The following COX7B2 variants were observed in gnomAD, a reference collection of about 807,000 sequenced individuals.
COX7B2 encodes the protein cytochrome c oxidase subunit 7B2, mitochondrial.
For synonymous variants in COX7B2, 37 were observed against 32.1 expected, an observed-to-expected ratio of 1.15 and a Z score of -0.51; for missense variants, 109 against 95.9, an observed-to-expected ratio of 1.14 and a Z score of -0.57.
intron 2 of COX7B2, among the ~76,000 whole-genome samples, chr4:46,785,902 A>G (rs1417422894): frequency 6.6e-6 from 1 of 152,198 alleles, no homozygotes; most frequent in Non-Finnish European, 1.5e-5. Context: ...AACAGAAAAA[A>G]AATCCATCTT....
chr4:46,751,732 G>T (rs575580725), intron 2 of COX7B2, among the ~76,000 whole-genome samples: 108 of 152,062 alleles, frequency 7.1e-4, no homozygotes, highest in Non-Finnish European at 1.1e-3. Context: ...GACAATTACG[G>T]TGAGACCAGG....
At chr4:46,849,209 G>A (rs973909394) in intron 1 of COX7B2, among the ~76,000 whole-genome samples, 2 of 151,804 alleles carry the variant, frequency 1.3e-5, no homozygotes, top group Admixed American at 6.6e-5. Flanking sequence ...TGCCCCTTGC[G>A]CCATCAGTTT....
intron 2 of COX7B2, among the ~76,000 whole-genome samples, chr4:46,802,785 T>TC (rs1718727200): frequency 6.6e-6 from 1 of 152,172 alleles, no homozygotes; most frequent in East Asian, 1.9e-4. Context: ...TAGAGGAATG[T>TC]GGAACTTGCT....
chr4:46,904,627 G>A lies in COX7B2; in HGVS notation c.-105+4533C>T, dbSNP rs1720266750. Among the ~76,000 whole-genome samples, 3 of 152,266 alleles carry A rather than the reference G, an allele frequency of 2.0e-5. No homozygotes were observed. In the South Asian group the frequency reaches 6.2e-4, roughly 32 times the overall value. On this transcript the variant is annotated intron_variant, in intron 1 of 2. Transcript: ENST00000355591. ...TACAACATATACAGGGAGAAATTTG[G>A]TAATACACAAACATTACACAGGCAT...
At chr4:46,799,310 G>A (rs574946580) in intron 2 of COX7B2, among the ~76,000 whole-genome samples, 2 of 152,226 alleles carry the variant, frequency 1.3e-5, no homozygotes, top group South Asian at 4.1e-4. Context: ...TCTGTGAAGA[G>A]AGATAGTTTG....
chr4:46,754,594 G>A (rs1186831670), intron 2 of COX7B2, among the ~76,000 whole-genome samples: 1 of 148,846 alleles, frequency 6.7e-6, no homozygotes, highest in Non-Finnish European at 1.5e-5. Context: ...TAATGCAAAT[G>A]ACCAGTTAAT....
At chr4:46,907,782 C>G (rs1720483505) in intron 1 of COX7B2, among the ~76,000 whole-genome samples, 1 of 149,106 alleles carries the variant, frequency 6.7e-6, no homozygotes, top group Non-Finnish European at 1.5e-5. Context: ...ACTTGTCACA[C>G]CAAACTTCCA....
At chr4:46,878,177 G>A (rs556492713) in intron 1 of COX7B2, among the ~76,000 whole-genome samples, 2 of 152,028 alleles carry the variant, frequency 1.3e-5, no homozygotes, top group Admixed American at 6.6e-5. Context: ...ACTTATATGC[G>A]GAAGTTTTTT....
At chr4:46,762,469 AC>A (rs1716243510) in intron 2 of COX7B2, among the ~76,000 whole-genome samples, 6 of 139,496 alleles carry the variant, frequency 4.3e-5, no homozygotes, top group Non-Finnish European at 9.1e-5. Context: ...TAGTATATGT[AC>A]TATATATACT....
chr4:46,898,222 TC>T (rs1476870739), intron 1 of COX7B2, among the ~76,000 whole-genome samples: 1 of 152,190 alleles, frequency 6.6e-6, no homozygotes, highest in Non-Finnish European at 1.5e-5. Flanking sequence ...TACATTATTT[TC>T]TCCAAATCCT....
At position 46,796,311 on chromosome 4, in the gene COX7B2, C is replaced by A. The variant is rs1447970126; in HGVS notation, c.-50+48649G>T. 8.1e-5 allele frequency among the ~76,000 whole-genome samples: 12 copies of A among 147,754 alleles called. 1 individual carries two copies. The highest frequency in any genetic ancestry group is 1.2e-4 in the Non-Finnish European group (8 of 67,822). ...AAAGGGAATGCTTCCAGTTTTTGCCCATTTATGCAGCCAAAAAACACATGA... is the reference window on the plus strand; with the variant it reads ...AAAGGGAATGCTTCCAGTTTTTGCCAATTTATGCAGCCAAAAAACACATGA... On this transcript the variant is annotated intron_variant, in intron 2 of 2. Transcript: ENST00000355591.
At chr4:46,818,487 A>T (rs1418227811) in intron 2 of COX7B2, among the ~76,000 whole-genome samples, 2 of 152,108 alleles carry the variant, frequency 1.3e-5, no homozygotes, top group Non-Finnish European at 2.9e-5. Context: ...ATACAAAAAA[A>T]TTAGCTGGGT....
intron 2 of COX7B2, among the ~76,000 whole-genome samples, chr4:46,831,391 C>T (rs1399028744): frequency 3.3e-5 from 5 of 152,250 alleles, no homozygotes; most frequent in South Asian, 2.1e-4. Flanking sequence ...CCCGGCTCCA[C>T]GGCACCCTGT....
chr4:46,908,155 T>C (rs1410583317), intron 1 of COX7B2, among the ~76,000 whole-genome samples: 2 of 151,994 alleles, frequency 1.3e-5, no homozygotes, highest in Non-Finnish European at 2.9e-5. Flanking sequence ...CCAGCCAGAA[T>C]TTGAGCAGAC....
intron 1 of COX7B2, among the ~76,000 whole-genome samples, chr4:46,853,700 TA>T (rs904302017): frequency 3.9e-5 from 6 of 152,100 alleles, no homozygotes; most frequent in African/African-American, 1.4e-4. Context: ...CTAACATCAG[TA>T]TTTGTTTTAA....
intron 2 of COX7B2, among the ~76,000 whole-genome samples, chr4:46,843,457 CAAGT>C (rs1244309196): frequency 6.6e-6 from 1 of 151,890 alleles, no homozygotes; most frequent in Non-Finnish European, 1.5e-5. Context: ...ATGATTTTTA[CAAGT>C]AAATATGAAA....
At chr4:46,896,645 G>T (rs201305731) in intron 1 of COX7B2, among the ~76,000 whole-genome samples, 1 of 146,310 alleles carries the variant, frequency 6.8e-6, no homozygotes, top group Non-Finnish European at 1.5e-5. Flanking sequence ...TAACAAAAAA[G>T]AAAAAAAAAA....
chr4:46,843,619 G>A (rs1373395831), intron 2 of COX7B2, among the ~76,000 whole-genome samples: 1 of 151,520 alleles, frequency 6.6e-6, no homozygotes, highest in Non-Finnish European at 1.5e-5. Flanking sequence ...AAGGAGAGAG[G>A]AACATAGAGA....
intron 2 of COX7B2, among the ~76,000 whole-genome samples, chr4:46,775,084 T>A (rs1717081296): frequency 6.6e-6 from 1 of 152,100 alleles, no homozygotes; most frequent in African/African-American, 2.4e-5. Context: ...ATTACCTCAA[T>A]TCTAGACATT....
Sources: allele counts gnomAD v4.1 joint callset (sites outside exome capture counted in the v4.1 genomes callset), GRCh38; gene constraint gnomAD v4.1.1; transcripts MANE v1.5; gene names NCBI Gene and HGNC (gene_info 2026-07-23, HGNC 2026-07-21).